Variants in SNTG1 observed in about 807,000 individuals in gnomAD.
SNTG1 encodes the protein gamma-1-syntrophin.
Under a neutral mutation model 74.7 loss-of-function variants are expected in SNTG1, and 39 were observed. The ratio of observed to expected loss-of-function variants is 0.52; its 90% CI spans 0.40 to 0.68. The LOEUF (loss-of-function observed/expected upper bound fraction) is 0.68. Among genes scored for constraint, SNTG1 ranks in the 30% least tolerant of loss-of-function variants. The pLI, the probability that SNTG1 is intolerant of heterozygous loss-of-function variation, is 0.00. For missense variants in SNTG1, 685 were observed against 609.5 expected, an observed-to-expected ratio of 1.12 and a Z score of -1.30; for synonymous variants, 254 against 217.1, an observed-to-expected ratio of 1.17 and a Z score of -1.49.
chr8:50,071,310 T>C (rs965941743), intron 1 of SNTG1, among the ~76,000 whole-genome samples: 1 of 152,170 alleles, frequency 6.6e-6, no homozygotes, highest in African/African-American at 2.4e-5. Flanking sequence ...GCTATTCTCT[T>C]GCTTCAACCT....
At chr8:49,979,794 G>C (rs1441303899) in intron 1 of SNTG1, among the ~76,000 whole-genome samples, 1 of 152,216 alleles carries the variant, frequency 6.6e-6, no homozygotes, top group Non-Finnish European at 1.5e-5. Flanking sequence ...CAGGATTGCT[G>C]AGTCGCTTGT....
rs528179564 is a variant in SNTG1, at chr8:50,006,402, A to G, written c.-103+94171A>G. On this transcript the variant is annotated intron_variant, in intron 1 of 18. Coordinates refer to ENST00000642720, the MANE Select transcript of SNTG1 (RefSeq NM_018967.5). ...TCTTGTCAGATAATTGTAATTTGTGATTTGTTTAATTATTGGTGTTCTGTG... is the reference window on the plus strand; with the variant it reads ...TCTTGTCAGATAATTGTAATTTGTGGTTTGTTTAATTATTGGTGTTCTGTG... 2.0e-5 allele frequency among the ~76,000 whole-genome samples: 3 copies of G among 152,002 alleles called. No individual in the cohort carries two copies. The East Asian group carries it at 5.8e-4, about 29-fold the overall frequency.
At chr8:50,316,893 TA>T (rs1231919649) in intron 2 of SNTG1, among the ~76,000 whole-genome samples, 3 of 152,286 alleles carry the variant, frequency 2.0e-5, no homozygotes, top group East Asian at 1.9e-4. Context: ...GGAAAATGTT[TA>T]AAAAAATTTA....
At chr8:50,304,784 T>C (rs923202342) in intron 2 of SNTG1, among the ~76,000 whole-genome samples, 4 of 152,246 alleles carry the variant, frequency 2.6e-5, no homozygotes, top group African/African-American at 4.8e-5. Flanking sequence ...CACCATCGGA[T>C]AGAATTTGTG....
chr8:50,206,662 C>G (rs576211466), intron 2 of SNTG1, among the ~76,000 whole-genome samples: 1 of 152,134 alleles, frequency 6.6e-6, no homozygotes, highest in East Asian at 1.9e-4. Flanking sequence ...AAAGGGGATG[C>G]TTCCAGTTTT....
At chr8:50,109,127 C>A (rs1371213554) in intron 1 of SNTG1, among the ~76,000 whole-genome samples, 1 of 152,160 alleles carries the variant, frequency 6.6e-6, no homozygotes, top group Non-Finnish European at 1.5e-5. Flanking sequence ...GAGCATCCCA[C>A]ATTCCTTTTC....
rs2095695885 is a variant in SNTG1 at position 50,793,057 on chromosome 8, T to C, written c.*228T>C. ...ACAGCTTGTTCTCACTCAGTTGCTT[T>C]GTACCAGTAAGTGTATTGCTTTCAC... On this transcript the variant is annotated 3_prime_UTR_variant, in exon 19 of 19. Coordinates refer to ENST00000642720, the MANE Select transcript of SNTG1 (RefSeq NM_018967.5). The C allele has an allele frequency of 2.7e-6, 1 of 366,958 alleles. No homozygotes were observed. Among genetic ancestry groups the C allele is most frequent in the African/African-American group, 2.1e-5 (1 of 47,778 alleles). 22.7% of individuals were successfully genotyped at this position (366,958 alleles called of 1,614,324 possible).
At chr8:50,587,024 A>G (rs1399593938) in intron 12 of SNTG1, among the ~76,000 whole-genome samples, 1 of 152,092 alleles carries the variant, frequency 6.6e-6, no homozygotes, top group Non-Finnish European at 1.5e-5. Context: ...TGTCATACAC[A>G]TATGTCTACT....
Position 50,612,070 on chromosome 8 carries a change from T to G in SNTG1, c.849+21153T>G, listed in dbSNP as rs571466458. Among the ~76,000 whole-genome samples the G allele has an allele frequency of 9.5e-4, 145 of 152,254 alleles. No individual in the cohort carries two copies. In the South Asian group the frequency reaches 0.012, roughly 12 times the overall value. ...ACCACACCCGGACAAGACCCTGTCT[T>G]TAAAACAAACAAACAAAAAAATCTG... On this transcript the variant is annotated intron_variant, in intron 13 of 18. Coordinates refer to ENST00000642720, the MANE Select transcript of SNTG1 (RefSeq NM_018967.5).
chr8:50,446,263 AT>A (rs1228561745), intron 5 of SNTG1, among the ~76,000 whole-genome samples: 1 of 151,904 alleles, frequency 6.6e-6, no homozygotes, highest in African/African-American at 2.4e-5. Context: ...AGGCAGCGTG[AT>A]TTTGAGTTCC....
intron 18 of SNTG1, among the ~76,000 whole-genome samples, chr8:50,779,663 A>G (rs1244715455): frequency 6.8e-6 from 1 of 146,304 alleles, no homozygotes; most frequent in African/African-American, 2.8e-5. Flanking sequence ...GGGCAATTTG[A>G]CTTCCTCTTT....
rs1805634168 is a variant in SNTG1, at chr8:49,912,174, C to G, written c.-160C>G. 2 of 152,122 alleles carry G rather than the reference C, an allele frequency of 1.3e-5. No individual in the cohort carries two copies. The highest frequency in any genetic ancestry group is 4.8e-5 in the African/African-American group (2 of 41,432). 9.4% of individuals were successfully genotyped at this position (152,122 alleles called of 1,614,324 possible). A position where few individuals can be genotyped will look rare whatever the true frequency, so the allele number is the denominator to read the frequency against. On this transcript the variant is annotated 5_prime_UTR_variant, in exon 1 of 19. Coordinates refer to ENST00000642720, the MANE Select transcript of SNTG1 (RefSeq NM_018967.5). ...AGCTTTGTGAAAAGAGGGTGGAGAG[C>G]TACTCAAAATTCTACGTTAGAGAGA...
intron 1 of SNTG1, chr8:50,163,687 G>C (rs1488761358): frequency 3.3e-5 from 5 of 152,064 alleles, no homozygotes; most frequent in Admixed American, 3.3e-4. Flanking sequence ...ATTTCGCCAT[G>C]TTGGCCAGGA....
At chr8:50,263,341 T>C (rs1410563702) in intron 2 of SNTG1, among the ~76,000 whole-genome samples, 2 of 151,996 alleles carry the variant, frequency 1.3e-5, no homozygotes, top group Admixed American at 6.6e-5. Flanking sequence ...ATAAGACATA[T>C]AGAAAGAAAA....
intron 13 of SNTG1, among the ~76,000 whole-genome samples, chr8:50,611,342 A>C (rs62516795): frequency 0.011 from 1,656 of 152,278 alleles, 11 homozygotes; most frequent in Non-Finnish European, 0.018. Flanking sequence ...TTTCTTCGTG[A>C]GCTGCATAAA....
intron 9 of SNTG1, among the ~76,000 whole-genome samples, chr8:50,511,486 C>T (rs1443666304): frequency 2.0e-5 from 3 of 152,112 alleles, no homozygotes; most frequent in Non-Finnish European, 4.4e-5. Flanking sequence ...CTTTCTGTCT[C>T]ATTGACCTGT....
chr8:50,255,276 G>A (rs1031300189), intron 2 of SNTG1, among the ~76,000 whole-genome samples: 2 of 152,078 alleles, frequency 1.3e-5, no homozygotes. Context: ...GGTATTCTTA[G>A]CACTGAACTG....
chr8:50,527,183 GT>G (rs140564207), intron 9 of SNTG1, among the ~76,000 whole-genome samples: 7,535 of 152,064 alleles, frequency 0.05, 227 homozygotes, highest in Middle Eastern at 0.12. Flanking sequence ...CCATTTTTCT[GT>G]TGGTATGTTC....
At chr8:50,347,079 A>G (rs923481479) in intron 2 of SNTG1, among the ~76,000 whole-genome samples, 1 of 152,256 alleles carries the variant, frequency 6.6e-6, no homozygotes, top group East Asian at 1.9e-4. Context: ...TGTAGGCAAA[A>G]CAGCCTTAAA....
Sources: gnomAD v4.1 joint callset for allele counts (sites outside exome capture counted in the v4.1 genomes callset) on GRCh38, gnomAD v4.1.1 for gene constraint, MANE v1.5 for transcripts, NCBI Gene and HGNC (gene_info 2026-07-23, HGNC 2026-07-21) for gene names.